Variants in PRKD1 observed in about 807,000 individuals in gnomAD.
The protein encoded by PRKD1 is serine/threonine-protein kinase D1.
In PRKD1, 63 loss-of-function variants were observed where a neutral mutation model predicts 95.9. That is an observed-to-expected ratio of 0.66 (90% CI 0.54 to 0.81). PRKD1 has a LOEUF of 0.81. PRKD1 is among the 30% of genes least tolerant of loss of function. The pLI is 0.00. For synonymous variants in PRKD1, 425 were observed against 423.1 expected (o/e 1.00, Z -0.05); for missense variants, 1,048 against 1,165.3 (o/e 0.90, Z 1.47).
At chr14:29,643,043 T>G (rs913342921) in intron 4 of PRKD1, among the ~76,000 whole-genome samples, 4 of 152,314 alleles carry the variant, frequency 2.6e-5, no homozygotes, top group African/African-American at 9.6e-5. Context: ...AATTTCGTTT[T>G]TTATAACTAT....
At chr14:29,696,013 T>G (rs1349770073) in intron 2 of PRKD1, among the ~76,000 whole-genome samples, 1 of 152,196 alleles carries the variant, frequency 6.6e-6, no homozygotes, top group East Asian at 1.9e-4. Flanking sequence ...CCAGATAAAA[T>G]CACTTTTTCT....
At chr14:29,807,721 T>TC (rs958105058) in intron 1 of PRKD1, among the ~76,000 whole-genome samples, 2 of 151,794 alleles carry the variant, frequency 1.3e-5, no homozygotes, top group Non-Finnish European at 2.9e-5. Flanking sequence ...TTCTTTTTTT[T>TC]CTTTTCCTTT....
chr14:29,611,435 A>G (rs1878450454), intron 13 of PRKD1, among the ~76,000 whole-genome samples: 2 of 151,898 alleles, frequency 1.3e-5, no homozygotes, highest in Non-Finnish European at 2.9e-5. Context: ...TAATGCTTGT[A>G]TATGTTTGAA....
At chr14:29,628,873 AATC>A (rs1264860954) in intron 11 of PRKD1, among the ~76,000 whole-genome samples, 165 bp downstream of exon 11, 3 of 72,318 alleles carry the variant, frequency 4.1e-5, no homozygotes, top group Admixed American at 2.7e-4. Context: ...AAAAATTACT[AATC>A]TATATAATTT....
chr14:29,748,091 T>A (rs1887312210), intron 1 of PRKD1, among the ~76,000 whole-genome samples: 1 of 152,182 alleles, frequency 6.6e-6, no homozygotes, highest in East Asian at 1.9e-4. Flanking sequence ...GCACTCAATA[T>A]ACTTTTTGTA....
intron 1 of PRKD1, among the ~76,000 whole-genome samples, chr14:29,914,519 C>T (rs946400389): frequency 2.6e-5 from 4 of 152,138 alleles, no homozygotes; most frequent in African/African-American, 7.2e-5. Flanking sequence ...CTTTGAGAGG[C>T]CAAGGCGGGT....
At chr14:29,652,324 T>C (rs560255053) in intron 4 of PRKD1, among the ~76,000 whole-genome samples, 85 of 152,234 alleles carry the variant, frequency 5.6e-4, no homozygotes, top group Non-Finnish European at 9.6e-4. Flanking sequence ...TGTGAGGCAA[T>C]TGGTATATGA....
intron 4 of PRKD1, among the ~76,000 whole-genome samples, chr14:29,663,148 C>CATATATATATATAT (rs61506580): frequency 0.02 from 2,677 of 131,458 alleles, 40 homozygotes; most frequent in South Asian, 0.043. Context: ...AATATTCTTC[C>CATATATATATATAT]ATATATATAT....
At chr14:29,615,422 T>C (rs1878786394) in intron 13 of PRKD1, among the ~76,000 whole-genome samples, 1 of 152,260 alleles carries the variant, frequency 6.6e-6, no homozygotes, top group Non-Finnish European at 1.5e-5. Flanking sequence ...TGAAGATCAC[T>C]CTTTTAAAAT....
chr14:29,663,064 A>ATATATAATATATATAAAATATATAC (rs1469269306), intron 4 of PRKD1, among the ~76,000 whole-genome samples: 33 of 139,476 alleles, frequency 2.4e-4, no homozygotes, highest in African/African-American at 7.9e-4. Flanking sequence ...TGCATATTTT[A>ATATATAATATATATAAAATATATAC]TATATAATAT....
intron 1 of PRKD1, among the ~76,000 whole-genome samples, chr14:29,802,141 A>C (rs1890060399): frequency 6.6e-6 from 1 of 152,200 alleles, no homozygotes; most frequent in African/African-American, 2.4e-5. Flanking sequence ...GAGAATTAAT[A>C]AATAAATGAA....
chr14:29,630,787 C>A lies in PRKD1; in HGVS notation c.1627G>T (p.Val543Phe), dbSNP rs143339301. ...CCCACGGAGGAGCCCTTGGGAATGA[C>A]GGGCATAAGGGCATGCTGGATGGCT... ...EIAIQHALMP[V>F]IPKGSSVGTG... Residue 543 changes from valine to phenylalanine, a missense_variant, in exon 10 of 18, where the codon GTC (valine) becomes TTC (phenylalanine). Val to Phe is a conservative substitution (Grantham distance 50). Coordinates refer to ENST00000331968, the MANE Select transcript of PRKD1 (RefSeq NM_002742.3). The A allele has an allele frequency of 1.2e-6, 2 of 1,614,082 alleles. No individual in the cohort carries two copies. Among genetic ancestry groups the A allele is most frequent in the East Asian group, 2.2e-5 (1 of 44,866 alleles).
At chr14:29,669,109 C>A (rs1012848512) in intron 2 of PRKD1, among the ~76,000 whole-genome samples, 1 of 152,132 alleles carries the variant, frequency 6.6e-6, no homozygotes, top group South Asian at 2.1e-4. Flanking sequence ...TAACACACAA[C>A]CCCTTGTAAC....
At chr14:29,785,820 AATC>A (rs1368057799) in intron 1 of PRKD1, among the ~76,000 whole-genome samples, 1 of 151,072 alleles carries the variant, frequency 6.6e-6, no homozygotes, top group East Asian at 1.9e-4. Flanking sequence ...CTTAAAGTAT[AATC>A]ATAATAAAAT....
chr14:29,591,428 T>A (rs945199502), intron 16 of PRKD1: 1 of 152,144 alleles, frequency 6.6e-6, no homozygotes, highest in Admixed American at 6.6e-5. Context: ...CTATCAGCTG[T>A]AAGTTATTTC....
In PRKD1 at chr14:29,577,106, A is replaced by G; in HGVS notation, c.*132T>C. On this transcript the variant is annotated 3_prime_UTR_variant, in exon 18 of 18. Transcript: ENST00000331968. Reference sequence around the variant, plus strand: ...TTGTCTTGGCAACTCAGATACATCAACAGTGCTAACAGTTTAACAGCTTTG... The same window carrying G: ...TTGTCTTGGCAACTCAGATACATCAGCAGTGCTAACAGTTTAACAGCTTTG... 1 of 915,972 alleles carries G rather than the reference A, an allele frequency of 1.1e-6. No individual in the cohort carries two copies. Among genetic ancestry groups the G allele is most frequent in the South Asian group, 1.6e-5 (1 of 61,700 alleles). The allele number at this position is 915,972 out of a possible 1,614,324, so 56.7% of individuals were successfully genotyped here. A position where few individuals can be genotyped will look rare whatever the true frequency, so the allele number is the denominator to read the frequency against.
chr14:29,905,274 G>A (rs1894456640), intron 1 of PRKD1, among the ~76,000 whole-genome samples: 1 of 152,146 alleles, frequency 6.6e-6, no homozygotes, highest in South Asian at 2.1e-4. Flanking sequence ...AAGAGGGCCG[G>A]AACCTGGACC....
chr14:29,879,562 C>A (rs780474621), intron 1 of PRKD1, among the ~76,000 whole-genome samples: 4 of 152,114 alleles, frequency 2.6e-5, no homozygotes, highest in Admixed American at 6.5e-5. Context: ...CAGAATAATA[C>A]ACTAAATTTG....
Position 29,630,970 on chromosome 14 carries a change from A to C in PRKD1, c.1444T>G (p.Leu482Val). The change falls in exon 10 of 18, where the codon TTA becomes GTA. Residue 482 changes from leucine to valine, a missense_variant. Coordinates refer to ENST00000331968, the MANE Select transcript of PRKD1 (RefSeq NM_002742.3). ...TGAGGATTGGCCCCATTAGGAATTA[A>C]AGCTGAAGTTTTTACTGGTTCCAGA... ...LSLEPVKTSA[L>V]IPNGANPHCF... 6.2e-7 allele frequency: 1 copy of C among 1,613,870 alleles called. No individual in the cohort carries two copies.
Sources: allele counts gnomAD v4.1 joint callset (sites outside exome capture counted in the v4.1 genomes callset), GRCh38; gene constraint gnomAD v4.1.1; transcripts MANE v1.5; gene names NCBI Gene and HGNC (gene_info 2026-07-23, HGNC 2026-07-21).